Variants in RBFOX1 observed in about 807,000 individuals in gnomAD.
RBFOX1 encodes the protein RNA binding fox-1 homolog 1, also known as RNA binding protein fox-1 homolog 1.
In RBFOX1, 8 loss-of-function variants were observed where a neutral mutation model predicts 57.7. The ratio of observed to expected loss-of-function variants is 0.14; its 90% confidence interval spans 0.08 to 0.25. RBFOX1 has a LOEUF of 0.25. Ranked by LOEUF, RBFOX1 falls within the 10% of genes least tolerant of loss-of-function variation. The pLI, the probability that RBFOX1 is intolerant of heterozygous loss-of-function variation, is 1.00. For synonymous variants in RBFOX1, 326 were observed against 222.4 expected, an observed-to-expected ratio of 1.47 and a Z score of -4.15; for missense variants, 611 against 548.5, an observed-to-expected ratio of 1.11 and a Z score of -1.14.
At chr16:5,728,011 A>C (rs926899256) in intron 3 of RBFOX1, among the ~76,000 whole-genome samples, 16 of 152,092 alleles carry the variant, frequency 1.1e-4, no homozygotes, top group Non-Finnish European at 2.2e-4. Context: ...CTATCAGTTC[A>C]CTTCTTTAGA....
chr16:7,245,876 A>T (rs2094275893), intron 4 of RBFOX1, among the ~76,000 whole-genome samples: 1 of 152,180 alleles, frequency 6.6e-6, no homozygotes, highest in Non-Finnish European at 1.5e-5. Context: ...ATCTAATTTA[A>T]TCCCTACAGT....
chr16:6,600,271 G>A (rs1442059878), intron 2 of RBFOX1, among the ~76,000 whole-genome samples: 1 of 151,634 alleles, frequency 6.6e-6, no homozygotes, highest in Non-Finnish European at 1.5e-5. Context: ...TTTGTTCTCA[G>A]TCCTCCCCTA....
At chr16:5,660,778 T>G (rs1225968490) in intron 3 of RBFOX1, among the ~76,000 whole-genome samples, 2 of 151,878 alleles carry the variant, frequency 1.3e-5, no homozygotes, top group Non-Finnish European at 2.9e-5. Flanking sequence ...GCCGGAGAGG[T>G]GAGCTGAAGC....
intron 3 of RBFOX1, among the ~76,000 whole-genome samples, chr16:5,755,327 C>T (rs2053354162): frequency 6.6e-6 from 1 of 152,008 alleles, no homozygotes; most frequent in Non-Finnish European, 1.5e-5. Flanking sequence ...GACACAGTAA[C>T]AATCTGATCT....
chr16:7,531,117 A>G (rs1427671383), intron 5 of RBFOX1, among the ~76,000 whole-genome samples: 1 of 152,224 alleles, frequency 6.6e-6, no homozygotes, highest in African/African-American at 2.4e-5. Context: ...TTGAAAGTGA[A>G]AAGGCAATTT....
intron 1 of RBFOX1, among the ~76,000 whole-genome samples, chr16:6,266,439 C>T (rs1274881923): frequency 6.6e-6 from 1 of 152,188 alleles, no homozygotes; most frequent in East Asian, 1.9e-4. Context: ...ACAGGCCAGA[C>T]ACAATTGCTC....
At chr16:7,364,182 G>C (rs2097389237) in intron 4 of RBFOX1, among the ~76,000 whole-genome samples, 1 of 152,126 alleles carries the variant, frequency 6.6e-6, no homozygotes. Context: ...TACGTCTGAC[G>C]AGCTCTTGTC....
intron 3 of RBFOX1, among the ~76,000 whole-genome samples, chr16:7,022,368 T>C (rs924792530): frequency 6.6e-6 from 1 of 151,820 alleles, no homozygotes; most frequent in African/African-American, 2.4e-5. Flanking sequence ...GAACCCCATA[T>C]TCTTAAAGAT....
chr16:7,238,417 C>T (rs989826231), intron 4 of RBFOX1, among the ~76,000 whole-genome samples: 1 of 152,138 alleles, frequency 6.6e-6, no homozygotes, highest in Non-Finnish European at 1.5e-5. Flanking sequence ...TCTAAGTTCC[C>T]AAAACAGATT....
intron 3 of RBFOX1, among the ~76,000 whole-genome samples, chr16:6,796,233 G>C (rs1797578964): frequency 6.6e-6 from 1 of 152,104 alleles, no homozygotes; most frequent in South Asian, 2.1e-4. Context: ...TCACTATGAA[G>C]AGAACAGTGA....
At chr16:6,005,802 A>G (rs1353944169) in intron 4 of RBFOX1, among the ~76,000 whole-genome samples, 1 of 152,214 alleles carries the variant, frequency 6.6e-6, no homozygotes, top group Non-Finnish European at 1.5e-5. Flanking sequence ...GTGGATTTTA[A>G]AAAAAGGCTA....
chr16:7,093,406 C>G (rs532109648), intron 4 of RBFOX1, among the ~76,000 whole-genome samples: 10 of 152,248 alleles, frequency 6.6e-5, no homozygotes, highest in Admixed American at 4.6e-4. Flanking sequence ...TCTTGCATAC[C>G]CAGCCCACTT....
Position 7,710,810 on chromosome 16 carries a change from C to T in RBFOX1, c.*65C>T, listed in dbSNP as rs1598720266. 7.4e-7 allele frequency: 1 copy of T among 1,343,256 alleles called. No homozygotes were observed. The highest frequency in any genetic ancestry group is 9.9e-7 in the Non-Finnish European group (1 of 1,014,124). 83.2% of individuals were successfully genotyped at this position (1,343,256 alleles called of 1,614,324 possible). ...GAAGCTTTCCGAGGCCTGAGTATTG[C>T]AATACATGCAGTAGTACATCATTTT... On this transcript the variant is annotated 3_prime_UTR_variant, in exon 16 of 16. Coordinates refer to ENST00000550418, the MANE Select transcript of RBFOX1 (RefSeq NM_018723.4).
intron 4 of RBFOX1, among the ~76,000 whole-genome samples, chr16:7,188,796 T>G (rs915244562): frequency 1.3e-5 from 2 of 152,160 alleles, no homozygotes; most frequent in South Asian, 2.1e-4. Context: ...TAGGGCATGC[T>G]ACGAAGGAAC....
At chr16:6,943,055 C>T (rs1173594625) in intron 3 of RBFOX1, among the ~76,000 whole-genome samples, 2 of 152,184 alleles carry the variant, frequency 1.3e-5, no homozygotes, top group Admixed American at 1.3e-4. Flanking sequence ...TCCCTGAATG[C>T]CTTTACGTTA....
chr16:6,619,841 T>C (rs1322434445), intron 2 of RBFOX1, among the ~76,000 whole-genome samples: 1 of 152,180 alleles, frequency 6.6e-6, no homozygotes, highest in Non-Finnish European at 1.5e-5. Context: ...TTATTTTTCC[T>C]GATTGTCTCC....
chr16:7,152,456 C>G (rs1305246065), intron 4 of RBFOX1, among the ~76,000 whole-genome samples: 1 of 152,154 alleles, frequency 6.6e-6, no homozygotes, highest in Non-Finnish European at 1.5e-5. Flanking sequence ...TATCATAGTT[C>G]AAAACTCCAT....
chr16:7,157,083 A>G lies in RBFOX1; in HGVS notation c.27+104985A>G, dbSNP rs149344958. On this transcript the variant is annotated intron_variant, in intron 4 of 15. Transcript: ENST00000550418. ...CTATTATACTTGATTATGCTACTAA[A>G]TATTCAGCCACTTCCATGCTATTGA... Among the ~76,000 whole-genome samples the G allele has an allele frequency of 4.4e-3, 672 of 152,328 alleles. 4 individuals are homozygous for G. Among genetic ancestry groups the G allele is most frequent in the Middle Eastern group, 0.017 (5 of 294 alleles).
chr16:6,705,500 CA>C (rs1219371403), intron 3 of RBFOX1: 1 of 152,188 alleles, frequency 6.6e-6, no homozygotes, highest in Non-Finnish European at 1.5e-5. Context: ...CACAACCCCC[CA>C]GCAGCAATGA....
Sources: allele counts gnomAD v4.1 joint callset (sites outside exome capture counted in the v4.1 genomes callset), GRCh38; gene constraint gnomAD v4.1.1; transcripts MANE v1.5; gene names NCBI Gene and HGNC (gene_info 2026-07-23, HGNC 2026-07-21).